Variants in IPO11 observed in about 807,000 individuals in gnomAD.
The protein encoded by IPO11 is importin 11.
Under a neutral mutation model 143.2 loss-of-function variants are expected in IPO11, and 66 were observed. That is an observed-to-expected ratio of 0.46 (90% CI 0.38 to 0.57). The LOEUF (loss-of-function observed/expected upper bound fraction) is 0.57, where lower values mean the gene tolerates loss of function less well. Among genes scored for constraint, IPO11 ranks in the 20% least tolerant of loss-of-function variants. The pLI, the probability that IPO11 is intolerant of heterozygous loss-of-function variation, is 0.00. For synonymous variants in IPO11, 385 were observed against 377.8 expected (o/e 1.02, Z -0.22); for missense variants, 1,026 against 1,141.0 (o/e 0.90, Z 1.45).
chr5:62,427,161 A>T (rs1446659701), intron 1 of IPO11, among the ~76,000 whole-genome samples: 1 of 151,482 alleles, frequency 6.6e-6, no homozygotes, highest in Non-Finnish European at 1.5e-5. Context: ...GCTGGTCTCG[A>T]GCTCCTTACC....
At chr5:62,552,997 T>C (rs1743441640) in intron 26 of IPO11, among the ~76,000 whole-genome samples, 1 of 152,214 alleles carries the variant, frequency 6.6e-6, no homozygotes, top group South Asian at 2.1e-4. Flanking sequence ...TTTGAAACTA[T>C]ATATTACTGT....
chr5:62,485,850 TAA>T (rs781614647), intron 12 of IPO11, among the ~76,000 whole-genome samples: 183 of 126,492 alleles, frequency 1.4e-3, no homozygotes, highest in African/African-American at 4.4e-3. Context: ...ACCCGTCTCT[TAA>T]AAAAAAAAAA....
chr5:62,440,335 A>G (rs1462970975), intron 2 of IPO11, among the ~76,000 whole-genome samples: 1 of 146,472 alleles, frequency 6.8e-6, no homozygotes, highest in Non-Finnish European at 1.5e-5. Context: ...AATTGGCTGT[A>G]TAGTGTACGT....
chr5:62,589,661 T>C lies in IPO11; in HGVS notation c.2583-1916T>C, dbSNP rs80230812. 6.4e-3 allele frequency among the ~76,000 whole-genome samples: 977 copies of C among 152,278 alleles called. 5 individuals carry two copies. Among genetic ancestry groups the C allele is most frequent in the Non-Finnish European group, 8.9e-3 (607 of 68,020 alleles). On this transcript the variant is annotated intron_variant, in intron 27 of 29. Transcript: ENST00000325324. ...CCTCACCAACAATCATACTCCCTTA[T>C]GTGGTTCTTTTTACTGCCCTGGGCA...
intron 16 of IPO11, among the ~76,000 whole-genome samples, chr5:62,494,694 G>T (rs901536965): frequency 6.6e-6 from 1 of 151,982 alleles, no homozygotes; most frequent in African/African-American, 2.4e-5. Flanking sequence ...TTTTACAGGC[G>T]TATGATTTTA....
chr5:62,487,917 A>G, intron 13 of IPO11, 56 bp downstream of exon 13: 1 of 1,475,072 alleles, frequency 6.8e-7, no homozygotes, highest in Non-Finnish European at 9.4e-7. Flanking sequence ...TTAGTTAAGA[A>G]ATAGTCTGAG....
At chr5:62,616,867 C>T (rs1219919147) in intron 29 of IPO11, among the ~76,000 whole-genome samples, 1 of 152,146 alleles carries the variant, frequency 6.6e-6, no homozygotes, top group East Asian at 1.9e-4. Flanking sequence ...TTATTCATCT[C>T]CATCACATTT....
At chr5:62,468,832 C>CT (rs1406385856) in intron 6 of IPO11, among the ~76,000 whole-genome samples, 2 of 152,170 alleles carry the variant, frequency 1.3e-5, no homozygotes, top group Non-Finnish European at 2.9e-5. Flanking sequence ...TGTTCTGTAA[C>CT]TATACATTTC....
At chr5:62,620,626 T>C (rs1389101742) in intron 29 of IPO11, among the ~76,000 whole-genome samples, 4 of 151,520 alleles carry the variant, frequency 2.6e-5, no homozygotes, top group African/African-American at 9.7e-5. Context: ...GGTTGACAGT[T>C]GGTTGAGTTT....
chr5:62,592,115 G>A (rs1745046429), intron 28 of IPO11, among the ~76,000 whole-genome samples: 1 of 152,202 alleles, frequency 6.6e-6, no homozygotes, highest in Non-Finnish European at 1.5e-5. Flanking sequence ...CTCCCAAAGT[G>A]CTGGGATTAC....
At chr5:62,431,492 C>T (rs1743986546) in intron 1 of IPO11, among the ~76,000 whole-genome samples, 1 of 151,968 alleles carries the variant, frequency 6.6e-6, no homozygotes, top group Admixed American at 6.6e-5. Flanking sequence ...TGAGTTCAAG[C>T]GATTTTTCCA....
intron 15 of IPO11, among the ~76,000 whole-genome samples, chr5:62,490,655 T>C (rs191262284): frequency 6.6e-6 from 1 of 152,354 alleles, no homozygotes; most frequent in East Asian, 1.9e-4. Flanking sequence ...ATACCCTTTC[T>C]AAGTTCTAAT....
intron 10 of IPO11, 132 bp from the exon 11 acceptor site, chr5:62,483,878 A>G (rs1387546156): frequency 1.4e-6 from 1 of 727,830 alleles, no homozygotes; most frequent in African/African-American, 1.9e-5. Flanking sequence ...ATTTGTTTAT[A>G]ATAAAAATGA....
chr5:62,596,760 C>G (rs762400193), intron 28 of IPO11, among the ~76,000 whole-genome samples: 10 of 151,472 alleles, frequency 6.6e-5, no homozygotes, highest in Non-Finnish European at 1.2e-4. Flanking sequence ...TTCAGTTTTC[C>G]CCCTCTGATC....
At chr5:62,524,285 A>G (rs1044298936) in intron 20 of IPO11, among the ~76,000 whole-genome samples, 4 of 152,172 alleles carry the variant, frequency 2.6e-5, no homozygotes, top group African/African-American at 9.6e-5. Flanking sequence ...GTATTCTACT[A>G]TAATTACATA....
At chr5:62,543,765 T>A (rs1011404824) in intron 24 of IPO11, among the ~76,000 whole-genome samples, 1 of 152,198 alleles carries the variant, frequency 6.6e-6, no homozygotes, top group East Asian at 1.9e-4. Flanking sequence ...CTAGTTCTTT[T>A]AATTGTGATG....
intron 21 of IPO11, among the ~76,000 whole-genome samples, chr5:62,528,879 G>T (rs62375046): frequency 6.6e-6 from 1 of 152,094 alleles, no homozygotes; most frequent in Non-Finnish European, 1.5e-5. Flanking sequence ...CACGAATATG[G>T]AGTGAAACTT....
At chr5:62,429,614 G>GTA (rs1254435209) in intron 1 of IPO11, among the ~76,000 whole-genome samples, 10 of 149,940 alleles carry the variant, frequency 6.7e-5, no homozygotes, top group African/African-American at 2.5e-4. Flanking sequence ...GTGTGTGTGT[G>GTA]TGTGTGTGTG....
chr5:62,554,190 A>G (rs76402831), intron 26 of IPO11, among the ~76,000 whole-genome samples: 11,349 of 152,308 alleles, frequency 0.075, 634 homozygotes, highest in Middle Eastern at 0.15. Context: ...TTTGTTGGAT[A>G]TATAATTTGC....
Sources: allele counts gnomAD v4.1 joint callset (sites outside exome capture counted in the v4.1 genomes callset), GRCh38; gene constraint gnomAD v4.1.1; transcripts MANE v1.5; gene names NCBI Gene and HGNC (gene_info 2026-07-23, HGNC 2026-07-21).